The following TSHZ1 variants were observed in gnomAD, a reference collection of about 807,000 sequenced individuals.
TSHZ1 encodes the protein teashirt zinc finger homeobox 1, also known as teashirt homolog 1.
TSHZ1 carries 12 observed loss-of-function variants against 67.1 expected under a neutral mutation model. That is an observed-to-expected ratio of 0.18 (90% CI 0.11 to 0.29). The LOEUF (loss-of-function observed/expected upper bound fraction) is 0.29. Ranked by LOEUF, TSHZ1 falls within the 10% of genes least tolerant of loss-of-function variation. TSHZ1 has a pLI of 1.00. For synonymous variants in TSHZ1, 632 were observed against 622.4 expected, an observed-to-expected ratio of 1.02 and a Z score of -0.23; for missense variants, 1,305 against 1,413.9, an observed-to-expected ratio of 0.92 and a Z score of 1.23.
chr18:75,278,584 T>C (rs2023643928), intron 1 of TSHZ1, among the ~76,000 whole-genome samples: 1 of 151,872 alleles, frequency 6.6e-6, no homozygotes, highest in African/African-American at 2.4e-5. Flanking sequence ...TGGGGGCCTG[T>C]GGGGGCAGAA....
chr18:75,258,396 A>G (rs1459479245), intron 1 of TSHZ1, among the ~76,000 whole-genome samples: 1 of 152,240 alleles, frequency 6.6e-6, no homozygotes, highest in African/African-American at 2.4e-5. Flanking sequence ...GTTGCTTTCA[A>G]TAAGTACACA....
chr18:75,251,149 T>C (rs529163070), intron 1 of TSHZ1, among the ~76,000 whole-genome samples: 24 of 152,366 alleles, frequency 1.6e-4, no homozygotes, highest in South Asian at 1.5e-3. Context: ...ATTATCTTTT[T>C]AGTTTGAAAT....
intron 1 of TSHZ1, among the ~76,000 whole-genome samples, chr18:75,240,722 T>C (rs1349036688): frequency 2.0e-5 from 3 of 152,212 alleles, no homozygotes; most frequent in Non-Finnish European, 2.9e-5. Flanking sequence ...CTTAGTTATG[T>C]GCCTGTGACT....
At chr18:75,244,159 A>G (rs941059398) in intron 1 of TSHZ1, among the ~76,000 whole-genome samples, 1 of 152,144 alleles carries the variant, frequency 6.6e-6, no homozygotes, top group Non-Finnish European at 1.5e-5. Context: ...GGGAATAGGC[A>G]TCGTGCTCGG....
intron 1 of TSHZ1, among the ~76,000 whole-genome samples, chr18:75,229,666 A>G (rs150706642): frequency 3.9e-5 from 6 of 152,358 alleles, no homozygotes; most frequent in Non-Finnish European, 7.3e-5. Flanking sequence ...CATGCGGTCT[A>G]TGACGTGCCG....
intron 1 of TSHZ1, among the ~76,000 whole-genome samples, chr18:75,248,031 G>A (rs1026154202): frequency 2.0e-5 from 3 of 152,062 alleles, no homozygotes; most frequent in Admixed American, 6.5e-5. Flanking sequence ...AAAGATAAGC[G>A]CACTAGCCAA....
chr18:75,285,389 AG>A, intron 1 of TSHZ1, 58 bp from the exon 2 acceptor site: 7 of 1,413,554 alleles, frequency 5.0e-6, no homozygotes, highest in Non-Finnish European at 6.4e-6. Flanking sequence ...ACTGCTGGGG[AG>A]GCTGTCTCTT....
In TSHZ1 at chr18:75,216,610, G is replaced by T. The variant is rs576560531; in HGVS notation, c.40+4694G>T. Among the ~76,000 whole-genome samples, 16 of 152,322 alleles carry T rather than the reference G, an allele frequency of 1.1e-4. No homozygotes were observed. In the South Asian group the frequency reaches 1.9e-3, roughly 18 times the overall value. Reference sequence around the variant, plus strand: ...TTATAAGAGGTTTTGTGTTGTCTTAGGTCAGAAGTAGTATTTTAGAAATCA... The same window carrying T: ...TTATAAGAGGTTTTGTGTTGTCTTATGTCAGAAGTAGTATTTTAGAAATCA... On this transcript the variant is annotated intron_variant, in intron 1 of 1. Transcript: ENST00000580243.
intron 1 of TSHZ1, among the ~76,000 whole-genome samples, chr18:75,279,622 G>A (rs34551261): frequency 0.031 from 4,668 of 152,292 alleles, 88 homozygotes; most frequent in East Asian, 0.072. Context: ...GGGACCTGGG[G>A]CAGAGCAGCC....
rs199676563 is a variant in TSHZ1, at chr18:75,287,805, C to A, written c.2398C>A (p.Arg800Ser). ...TGTGAAGCAGGCCGATGCCATCGAC[C>A]GCTACTATTATGAAAACAGCGACCA... ...TPVKQADAID[R>S]YYYENSDQPI... The change falls in exon 2 of 2, where the codon CGC becomes AGC. Residue 800 changes from arginine to serine, a missense_variant. This residue lies in a region of TSHZ1 where 909 missense variants were observed against 961.8 expected (regional missense o/e 0.95). Transcript: ENST00000580243. The surrounding 1 kb of genome is among the most constrained non-coding windows in gnomAD (Gnocchi z 5.0). 1 of 1,614,126 alleles carries A rather than the reference C, an allele frequency of 6.2e-7. No individual in the cohort carries two copies. Among genetic ancestry groups the A allele is most frequent in the Admixed American group, 1.7e-5 (1 of 60,036 alleles).
At position 75,287,255 on chromosome 18, in the gene TSHZ1, G is replaced by T; in HGVS notation, c.1848G>T (p.Glu616Asp). 1 of 1,614,020 alleles carries T rather than the reference G, an allele frequency of 6.2e-7. No individual in the cohort carries two copies. Among genetic ancestry groups the T allele is most frequent in the Non-Finnish European group, 8.5e-7 (1 of 1,179,988 alleles). ...AGGVKSLSSA[E>D]HNALLHSPGS... Reference sequence around the variant, plus strand: ...GCGTGAAGTCGCTGTCTTCCGCCGAGCACAACGCCCTCCTGCACTCCCCAG... The same window carrying T: ...GCGTGAAGTCGCTGTCTTCCGCCGATCACAACGCCCTCCTGCACTCCCCAG... The change falls in exon 2 of 2, where the codon GAG (glutamate) becomes GAT (aspartate). Residue 616 changes from glutamate (E) to aspartate (D), a missense_variant. By Grantham distance (45) the Glu-to-Asp change is conservative. This residue lies in a region of TSHZ1 where 909 missense variants were observed against 961.8 expected (regional missense o/e 0.95). Transcript: ENST00000580243. This position sits in a 1 kb window ranked among gnomAD's most constrained non-coding sequence, Gnocchi z 5.0.
At chr18:75,240,844 A>G (rs2023146826) in intron 1 of TSHZ1, among the ~76,000 whole-genome samples, 1 of 152,208 alleles carries the variant, frequency 6.6e-6, no homozygotes. Flanking sequence ...AACCTACTCA[A>G]TTTTGATCTT....
intron 1 of TSHZ1, among the ~76,000 whole-genome samples, chr18:75,249,023 G>A (rs2023259560): frequency 6.6e-6 from 1 of 152,182 alleles, no homozygotes; most frequent in Admixed American, 6.5e-5. Flanking sequence ...GGGGTGGAGA[G>A]GCTTGGATGG....
intron 1 of TSHZ1, among the ~76,000 whole-genome samples, chr18:75,273,610 G>A (rs2023582414): frequency 6.6e-6 from 1 of 152,176 alleles, no homozygotes; most frequent in South Asian, 2.1e-4. Flanking sequence ...TTTTCAGACG[G>A]TGTATGTGTG....
intron 1 of TSHZ1, among the ~76,000 whole-genome samples, chr18:75,240,542 G>C (rs894585120): frequency 6.6e-6 from 1 of 152,206 alleles, no homozygotes; most frequent in African/African-American, 2.4e-5. Flanking sequence ...TTTCCTTGCT[G>C]TGAACAGTGA....
chr18:75,256,178 G>T (rs2023359988), intron 1 of TSHZ1, among the ~76,000 whole-genome samples: 1 of 152,184 alleles, frequency 6.6e-6, no homozygotes, highest in Non-Finnish European at 1.5e-5. Flanking sequence ...TCTTTAAGAT[G>T]AATTAATTTT....
chr18:75,285,376 C>G (rs2023738128), intron 1 of TSHZ1, 72 bp from the exon 2 acceptor site: 2 of 1,407,726 alleles, frequency 1.4e-6, no homozygotes, highest in Non-Finnish European at 1.8e-6. Flanking sequence ...TAAAGATCAT[C>G]TAACTGCTGG....
chr18:75,287,629 C>A lies in TSHZ1; in HGVS notation c.2222C>A (p.Ser741Tyr). 1 of 1,614,200 alleles carries A rather than the reference C, an allele frequency of 6.2e-7. No homozygotes were observed. ...GIIMDHSPEP[S>Y]FINPLSALQS... ...ATCATGGACCACTCACCGGAGCCTT[C>A]CTTCATCAACCCGCTGAGCGCTTTG... The change falls in exon 2 of 2, where the codon TCC becomes TAC. Residue 741 changes from serine to tyrosine, a missense_variant. Ser to Tyr is a moderately radical substitution (Grantham distance 144). Transcript: ENST00000580243. This position sits in a 1 kb window ranked among gnomAD's most constrained non-coding sequence, Gnocchi z 5.0.
rs149694881 is a variant in TSHZ1, at chr18:75,275,365, G to T, written c.41-10083G>T. 3.2e-3 allele frequency among the ~76,000 whole-genome samples: 488 copies of T among 152,260 alleles called. 4 individuals carry two copies. The highest frequency in any genetic ancestry group is 0.011 in the African/African-American group (472 of 41,532). ...TGTTAAAGTATTGCAAGAGTACAGCGTGCAGTGCTGTGAAGGTAACTGGGT... is the reference window on the plus strand; with the variant it reads ...TGTTAAAGTATTGCAAGAGTACAGCTTGCAGTGCTGTGAAGGTAACTGGGT... On this transcript the variant is annotated intron_variant, in intron 1 of 1. Coordinates refer to ENST00000580243, the MANE Select transcript of TSHZ1 (RefSeq NM_001308210.2).
Sources: gnomAD v4.1 joint callset for allele counts (sites outside exome capture counted in the v4.1 genomes callset) on GRCh38, gnomAD v4.1.1 for gene constraint, gnomAD v4.1.1 regional missense constraint, Gnocchi (gnomAD v3.1) non-coding constraint, MANE v1.5 for transcripts, NCBI Gene and HGNC (gene_info 2026-07-23, HGNC 2026-07-21) for gene names.